The following CASP6 variants were observed in gnomAD, a reference collection of about 807,000 sequenced individuals.
CASP6 encodes caspase-6.
CASP6 carries 20 observed loss-of-function variants against 31.8 expected under a neutral mutation model. The observed-to-expected ratio is 0.63, with a 90% CI of 0.44 to 0.91. CASP6 has a LOEUF of 0.91. Among genes scored for constraint, CASP6 ranks in the 40% least tolerant of loss-of-function variants. The pLI, the probability that CASP6 is intolerant of heterozygous loss-of-function variation, is 0.00. For synonymous variants in CASP6, 130 were observed against 127.8 expected (o/e 1.02, Z -0.12); for missense variants, 328 against 361.1 (o/e 0.91, Z 0.74).
chr4:109,687,454 C>A, downstream of CASP6: 1 of 1,129,888 alleles, frequency 8.9e-7, no homozygotes, highest in Non-Finnish European at 1.3e-6. Flanking sequence ...TCCTCTCAAG[C>A]AGTAATGTTG....
the CASP6 span, among the ~76,000 whole-genome samples, chr4:109,678,994 G>A: frequency 7.0e-6 from 1 of 143,336 alleles, no homozygotes; most frequent in African/African-American, 2.6e-5. Context: ...GGCAGAGACA[G>A]TCCTCACTTC....
At chr4:109,664,422 C>CTTTTTT in the CASP6 span, 2 of 616,456 alleles carry the variant, frequency 3.2e-6, no homozygotes, top group Non-Finnish European at 2.7e-6. Flanking sequence ...CCAACTATTA[C>CTTTTTT]TTTTTTTTTT....
At chr4:109,688,192 A>G (rs1729896066), downstream of CASP6, 1 of 152,262 alleles carries the variant, frequency 6.6e-6, no homozygotes, top group South Asian at 2.1e-4. Context: ...AGTTTCAGGT[A>G]TCGAAGCCAA....
At chr4:109,679,278 T>A in the CASP6 span, among the ~76,000 whole-genome samples, 1 of 152,124 alleles carries the variant, frequency 6.6e-6, no homozygotes, top group Non-Finnish European at 1.5e-5. Flanking sequence ...TCTTAGCACT[T>A]TGGGAGGCCA....
At chr4:109,693,958 T>G (rs1234444549) in intron 5 of CASP6, among the ~76,000 whole-genome samples, 1 of 152,014 alleles carries the variant, frequency 6.6e-6, no homozygotes, top group Non-Finnish European at 1.5e-5. Context: ...AGGCTGGTCT[T>G]GAACTCCTCA....
chr4:109,667,151 G>A, the CASP6 span, among the ~76,000 whole-genome samples: 1 of 152,060 alleles, frequency 6.6e-6, no homozygotes, highest in African/African-American at 2.4e-5. Context: ...GAAAGAGATT[G>A]TAGATAATTA....
chr4:109,703,462 C>T, upstream of CASP6: 1 of 1,567,302 alleles, frequency 6.4e-7, no homozygotes, highest in Non-Finnish European at 8.7e-7. Flanking sequence ...CCGGGCCCGG[C>T]CCCGCCCTCG....
intron 3 of CASP6, among the ~76,000 whole-genome samples, 181 bp from the exon 4 acceptor site, chr4:109,696,667 CATA>C (rs1470585550): frequency 6.6e-6 from 1 of 151,932 alleles, no homozygotes; most frequent in Non-Finnish European, 1.5e-5. Flanking sequence ...AGGATTTAAT[CATA>C]ATGACAGCCG....
At chr4:109,689,763 A>G (rs1013338195) in intron 6 of CASP6, among the ~76,000 whole-genome samples, 195 bp from the exon 7 acceptor site, 1 of 152,230 alleles carries the variant, frequency 6.6e-6, no homozygotes, top group Non-Finnish European at 1.5e-5. Context: ...ATAGTTTTAT[A>G]TACACGGGGT....
intron 1 of CASP6, among the ~76,000 whole-genome samples, chr4:109,699,303 A>C (rs1208932261): frequency 6.6e-6 from 1 of 151,950 alleles, no homozygotes; most frequent in Non-Finnish European, 1.5e-5. Context: ...TAAAGCATGG[A>C]CTCTTACCCA....
At chr4:109,666,216 G>T in the CASP6 span, among the ~76,000 whole-genome samples, 1 of 152,152 alleles carries the variant, frequency 6.6e-6, no homozygotes, top group East Asian at 1.9e-4. Flanking sequence ...GGACATCTGG[G>T]ATACTTCCAA....
chr4:109,694,779 A>C, intron 4 of CASP6, 79 bp from the exon 5 acceptor site: 1 of 1,323,364 alleles, frequency 7.6e-7, no homozygotes, highest in Non-Finnish European at 1.0e-6. Flanking sequence ...GTTTATTAAC[A>C]CAAGAATAAA....
chr4:109,709,341 T>C, the CASP6 span, among the ~76,000 whole-genome samples: 4 of 152,170 alleles, frequency 2.6e-5, no homozygotes, highest in Non-Finnish European at 4.4e-5. Flanking sequence ...ACCACCAACA[T>C]AGACTGGAAT....
At chr4:109,706,001 A>ATATAT (rs1491222928), upstream of CASP6, among the ~76,000 whole-genome samples, 2 of 31,662 alleles carry the variant, frequency 6.3e-5, no homozygotes, top group African/African-American at 1.0e-4. Context: ...AAAAAAAAAA[A>ATATAT]ATATATATAT....
chr4:109,693,935 C>T (rs1310676130), intron 5 of CASP6, among the ~76,000 whole-genome samples: 6 of 151,950 alleles, frequency 3.9e-5, no homozygotes, highest in Admixed American at 6.5e-5. Context: ...GACAGGGTTT[C>T]ACCATGTTTG....
At chr4:109,707,038 A>G (rs1410016492), upstream of CASP6, among the ~76,000 whole-genome samples, 2 of 152,148 alleles carry the variant, frequency 1.3e-5, no homozygotes, top group African/African-American at 2.4e-5. Flanking sequence ...AACATTTATA[A>G]CTCGCTGAAG....
chr4:109,684,909 A>AT (rs753585286), downstream of CASP6: 12 of 386,852 alleles, frequency 3.1e-5, no homozygotes, highest in South Asian at 6.9e-5. Flanking sequence ...GCCCTCATTT[A>AT]TAAAAAAAAC....
At chr4:109,697,221 T>G (rs1730273118) in intron 3 of CASP6, among the ~76,000 whole-genome samples, 1 of 152,146 alleles carries the variant, frequency 6.6e-6, no homozygotes, top group Non-Finnish European at 1.5e-5. Flanking sequence ...CTGGAATTTT[T>G]TTAATTTTTA....
rs1303818106 is a variant in CASP6, at chr4:109,697,655, C to T, written c.197G>A (p.Gly66Asp). The change falls in exon 3 of 7, where the codon GGC becomes GAC. Residue 66 changes from glycine to aspartate, a missense_variant. Gly to Asp is a moderately conservative substitution (Grantham distance 94, BLOSUM62 -1). Transcript: ENST00000265164. ...FWHLTLPERR[G>D]TCADRDNLTR... The stretch of plus-strand genomic sequence containing the variant: ...AAGATTGTCTCTATCTGCGCAGGTG[C>T]CCCGCCTTTCTGGCAGTGTTAAGTG... The T allele has an allele frequency of 4.3e-6, 7 of 1,613,366 alleles. No individual in the cohort carries two copies. Among genetic ancestry groups the T allele is most frequent in the Non-Finnish European group, 5.9e-6 (7 of 1,179,774 alleles).
Sources: allele counts gnomAD v4.1 joint callset (sites outside exome capture counted in the v4.1 genomes callset), GRCh38; gene constraint gnomAD v4.1.1; transcripts MANE v1.5; gene names NCBI Gene and HGNC (gene_info 2026-07-23, HGNC 2026-07-21).